The following CSF3R variants were observed in gnomAD, a reference collection of about 807,000 sequenced individuals.
CSF3R encodes the protein granulocyte colony-stimulating factor receptor.
A neutral mutation model predicts 84.4 loss-of-function variants in CSF3R; 52 were observed. The observed-to-expected ratio is 0.62, with a 90% CI of 0.49 to 0.78. CSF3R has a LOEUF of 0.78. Among genes scored for constraint, CSF3R ranks in the 30% least tolerant of loss-of-function variants. The pLI is 0.00. For synonymous variants in CSF3R, 384 were observed against 429.1 expected, an observed-to-expected ratio of 0.89 and a Z score of 1.30; for missense variants, 890 against 1,055.7, an observed-to-expected ratio of 0.84 and a Z score of 2.17.
rs776028338 is a variant in CSF3R, at chr1:36,469,229, C to G, written c.1503G>C (p.Glu501Asp). Residue 501 changes from glutamate (E) to aspartate (D), a missense_variant, in exon 12 of 17, where the codon GAG becomes GAC. Transcript: ENST00000373106. ...KENIRPFQLY[E>D]IIVTPLYQDT... The stretch of plus-strand genomic sequence containing the variant: ...CCTGGTACAAGGGAGTCACGATGAT[C>G]TCATAGAGCTGAAAGGGCCTGATGT... The G allele has an allele frequency of 3.1e-6, 5 of 1,613,990 alleles. No homozygotes were observed. The highest frequency in any genetic ancestry group is 4.2e-6 in the Non-Finnish European group (5 of 1,179,988).
intron 10 of CSF3R, 134 bp downstream of exon 10, chr1:36,471,299 G>A (rs900420896): frequency 5.6e-6 from 5 of 885,842 alleles, no homozygotes; most frequent in African/African-American, 3.3e-5. Context: ...TGCCCACCTC[G>A]GCCTCCCAAA....
chr1:36,479,360 T>G (rs1570602101), intron 3 of CSF3R, 73 bp downstream of exon 3: 1 of 1,430,404 alleles, frequency 7.0e-7, no homozygotes. Flanking sequence ...CATGTGGCAG[T>G]GCAAGGAAAT....
At chr1:36,473,944 C>T (rs141381442) in intron 4 of CSF3R, 57 bp from the exon 5 acceptor site, 3 of 1,611,946 alleles carry the variant, frequency 1.9e-6, no homozygotes, top group African/African-American at 1.3e-5. Flanking sequence ...AGAAAGCTTC[C>T]TCTGGGACCA....
Position 36,466,713 on chromosome 1 carries a change from C to T in CSF3R, c.2155G>A (p.Gly719Ser). 1.2e-6 allele frequency: 2 copies of T among 1,614,196 alleles called. No individual in the cohort carries two copies. Among genetic ancestry groups the T allele is most frequent in the Non-Finnish European group, 1.7e-6 (2 of 1,180,038 alleles). Residue 719 changes from glycine to serine, a missense_variant, in exon 17 of 17, where the codon GGC becomes AGC. Coordinates refer to ENST00000373106, the MANE Select transcript of CSF3R (RefSeq NM_000760.4). This position sits in a 1 kb window ranked among gnomAD's most constrained non-coding sequence, Gnocchi z 4.6. ...WESHNSSETCGLPTLVQTYVL... is the reference protein window; with the variant it reads ...WESHNSSETCSLPTLVQTYVL... ...TAGGTCTGGACCAGAGTGGGGAGGC[C>T]ACAGGTCTCTGAGCTGTTATGGGAC...
At chr1:36,473,733 G>C in intron 5 of CSF3R, 31 bp downstream of exon 5, 1 of 1,614,034 alleles carries the variant, frequency 6.2e-7, no homozygotes, top group East Asian at 2.2e-5. Flanking sequence ...GAATCCAAAG[G>C]GAGGGGACCA....
chr1:36,471,902 C>A, intron 9 of CSF3R, 164 bp downstream of exon 9: 5 of 764,348 alleles, frequency 6.5e-6, no homozygotes, highest in South Asian at 6.5e-5. Context: ...ACAGTCTGTC[C>A]AAAAGCTAAC....
intron 10 of CSF3R, among the ~76,000 whole-genome samples, chr1:36,470,542 CTT>C (rs1201879974): frequency 6.6e-6 from 1 of 152,200 alleles, no homozygotes; most frequent in South Asian, 2.1e-4. Flanking sequence ...AAGTACTACT[CTT>C]TTCCCCATTT....
At chr1:36,481,312 C>CA (rs1651504629) in intron 2 of CSF3R, among the ~76,000 whole-genome samples, 166 bp downstream of exon 2, 1 of 152,194 alleles carries the variant, frequency 6.6e-6, no homozygotes, top group Non-Finnish European at 1.5e-5. Flanking sequence ...TGCTTGGCCT[C>CA]AGTCTCTGGT....
At chr1:36,468,337 C>T (rs1341339535) in intron 12 of CSF3R, 116 bp from the exon 13 acceptor site, 7 of 1,087,156 alleles carry the variant, frequency 6.4e-6, no homozygotes, top group Non-Finnish European at 9.0e-6. Flanking sequence ...TCCAAGGGGA[C>T]TCATGCCCAA....
At chr1:36,473,236 G>C in intron 6 of CSF3R, 199 bp downstream of exon 6, 2 of 626,392 alleles carry the variant, frequency 3.2e-6, no homozygotes, top group South Asian at 4.0e-5. Flanking sequence ...CTTTGCCTCT[G>C]TGTCTCTTCC....
At chr1:36,479,542 C>T (rs770103970) in intron 2 of CSF3R, 26 bp from the exon 3 acceptor site, 13 of 1,561,496 alleles carry the variant, frequency 8.3e-6, no homozygotes, top group Non-Finnish European at 1.1e-5. Flanking sequence ...TTGTTTAAGA[C>T]CATGGGCTTT....
chr1:36,481,016 T>C (rs577323996), intron 2 of CSF3R, among the ~76,000 whole-genome samples: 1 of 152,306 alleles, frequency 6.6e-6, no homozygotes, highest in South Asian at 2.1e-4. Context: ...TGTCTACCCA[T>C]CGGTGGTTGG....
At chr1:36,468,393 A>G (rs1243179920) in intron 12 of CSF3R, 172 bp from the exon 13 acceptor site, 2 of 629,948 alleles carry the variant, frequency 3.2e-6, no homozygotes, top group Non-Finnish European at 5.2e-6. Flanking sequence ...TCTACTGCTA[A>G]TAAGTGTCTG....
At chr1:36,468,392 A>G (rs1650486932) in intron 12 of CSF3R, 171 bp from the exon 13 acceptor site, 2 of 632,802 alleles carry the variant, frequency 3.2e-6, no homozygotes, top group Non-Finnish European at 5.2e-6. Flanking sequence ...ATCTACTGCT[A>G]ATAAGTGTCT....
At position 36,473,527 on chromosome 1, in the gene CSF3R, A is replaced by G. The variant is rs753171126; in HGVS notation, c.581T>C (p.Leu194Pro). ...CCAGATGCCCATATTCTGGTACAAC[A>G]GCAGGTGTTTGCGTGGGATGCAGCA... ...SHCCIPRKHL[L>P]LYQNMGIWVQ... The change falls in exon 6 of 17, where the codon CTG becomes CCG. Residue 194 changes from leucine (L) to proline (P), a missense_variant. Coordinates refer to ENST00000373106, the MANE Select transcript of CSF3R (RefSeq NM_000760.4). 9 of 1,614,078 alleles carry G rather than the reference A, an allele frequency of 5.6e-6. No individual in the cohort carries two copies. Among genetic ancestry groups the G allele is most frequent in the Non-Finnish European group, 6.8e-6 (8 of 1,180,054 alleles).
rs757964586 is a variant in CSF3R at position 36,473,563 on chromosome 1, C to T, written c.545G>A (p.Gly182Glu). 3.1e-6 allele frequency: 5 copies of T among 1,614,160 alleles called. 1 individual carries two copies. The South Asian group carries it at 5.5e-5, about 18-fold the overall frequency. The change falls in exon 6 of 17, where the codon GGG becomes GAG. Residue 182 changes from glycine (G) to glutamate (E), a missense_variant. By Grantham distance (98) the Gly-to-Glu change is moderately conservative. Coordinates refer to ENST00000373106, the MANE Select transcript of CSF3R (RefSeq NM_000760.4). ...GCGTGGGATGCAGCAGTGGCTCTGCCCGTCCTTGGGCACGCAGTCCAGGAT... is the reference window on the plus strand; with the variant it reads ...GCGTGGGATGCAGCAGTGGCTCTGCTCGTCCTTGGGCACGCAGTCCAGGAT... ...DSILDCVPKDGQSHCCIPRKH... is the reference protein window; with the variant it reads ...DSILDCVPKDEQSHCCIPRKH...
chr1:36,466,250 A>AGG lies in CSF3R; in HGVS notation c.*106_*107insCC. On this transcript the variant is annotated 3_prime_UTR_variant, in exon 17 of 17. Coordinates refer to ENST00000373106, the MANE Select transcript of CSF3R (RefSeq NM_000760.4). The surrounding 1 kb of genome is among the most constrained non-coding windows in gnomAD (Gnocchi z 4.6). ...GATGCTGGTGACTGGAGATGGTGAG[A>AGG]GCCTGGGCTGGGGTAGTTTTTAGTC... 1 of 1,613,712 alleles carries AGG rather than the reference A, an allele frequency of 6.2e-7. No homozygotes were observed. The highest frequency in any genetic ancestry group is 8.5e-7 in the Non-Finnish European group (1 of 1,179,868).
At position 36,475,424 on chromosome 1, in the gene CSF3R, C is replaced by A. The variant is rs761711277; in HGVS notation, c.314G>T (p.Trp105Leu). 6.2e-7 allele frequency: 1 copy of A among 1,614,138 alleles called. No homozygotes were observed. Among genetic ancestry groups the A allele is most frequent in the South Asian group, 1.1e-5 (1 of 91,082 alleles). Residue 105 changes from tryptophan to leucine, a missense_variant, in exon 4 of 17, where the codon TGG becomes TTG. Trp to Leu is a moderately conservative substitution (Grantham distance 61). Coordinates refer to ENST00000373106, the MANE Select transcript of CSF3R (RefSeq NM_000760.4). ...GTCCAGGATCTGCAGGCTGTTGCCCCAGTTCAGGCAGCAGGAGAGAAAGGC... is the reference window on the plus strand; with the variant it reads ...GTCCAGGATCTGCAGGCTGTTGCCCAAGTTCAGGCAGCAGGAGAGAAAGGC... The part of the protein sequence containing the change: ...TQAFLSCCLN[W>L]GNSLQILDQV...
chr1:36,468,425 CTGCT>C, intron 12 of CSF3R: 1 of 513,640 alleles, frequency 1.9e-6, no homozygotes, highest in Non-Finnish European at 3.4e-6. Context: ...GAACCTGGCT[CTGCT>C]TGACTCTAAA....
Sources: gnomAD v4.1 joint callset for allele counts (sites outside exome capture counted in the v4.1 genomes callset) on GRCh38, gnomAD v4.1.1 for gene constraint, Gnocchi (gnomAD v3.1) non-coding constraint, MANE v1.5 for transcripts, NCBI Gene and HGNC (gene_info 2026-07-23, HGNC 2026-07-21) for gene names.